Variants in CHN2 observed in about 807,000 individuals in gnomAD.
CHN2 encodes the protein beta-chimaerin.
In CHN2, 35 loss-of-function variants were observed where a neutral mutation model predicts 56.3. The ratio of observed to expected loss-of-function variants is 0.62; its 90% CI spans 0.47 to 0.82. CHN2 has a LOEUF of 0.82. CHN2 is among the 40% of genes least tolerant of loss of function. CHN2 has a pLI of 0.00. For missense variants in CHN2, 491 were observed against 580.5 expected, an observed-to-expected ratio of 0.85 and a Z score of 1.58; for synonymous variants, 210 against 212.8, an observed-to-expected ratio of 0.99 and a Z score of 0.12.
chr7:29,504,871 G>A (rs780146455), intron 10 of CHN2, 50 bp downstream of exon 10: 42 of 1,295,992 alleles, frequency 3.2e-5, no homozygotes, highest in Admixed American at 2.0e-4. Context: ...CACCCTTCTC[G>A]ATTGGAAGTA....
chr7:29,361,076 T>C (rs1232085057), intron 2 of CHN2, among the ~76,000 whole-genome samples: 1 of 152,204 alleles, frequency 6.6e-6, no homozygotes, highest in African/African-American at 2.4e-5. Flanking sequence ...TCCTGGCACA[T>C]ATTTGGGACA....
intron 6 of CHN2, among the ~76,000 whole-genome samples, chr7:29,461,164 A>G (rs1429184385): frequency 6.6e-6 from 1 of 152,216 alleles, no homozygotes; most frequent in Non-Finnish European, 1.5e-5. Context: ...TTTCTCAAGG[A>G]CATGCCCTTA....
At chr7:29,362,596 G>T (rs1464589950) in intron 2 of CHN2, among the ~76,000 whole-genome samples, 1 of 152,048 alleles carries the variant, frequency 6.6e-6, no homozygotes, top group Admixed American at 6.6e-5. Context: ...CACATCCCAC[G>T]CCCTGGCTCA....
At chr7:29,416,115 C>A (rs865965765) in intron 6 of CHN2, among the ~76,000 whole-genome samples, 12 of 152,134 alleles carry the variant, frequency 7.9e-5, no homozygotes, top group African/African-American at 2.9e-4. Flanking sequence ...TCTGCAAAGC[C>A]CTCTGCCATT....
At chr7:29,497,207 T>A (rs1789397633) in intron 8 of CHN2, among the ~76,000 whole-genome samples, 2 of 152,192 alleles carry the variant, frequency 1.3e-5, no homozygotes, top group Admixed American at 1.3e-4. Flanking sequence ...GAAACTCTGT[T>A]TAACACTAAA....
intron 7 of CHN2, among the ~76,000 whole-genome samples, chr7:29,484,343 G>A (rs1364804992): frequency 6.6e-6 from 1 of 152,152 alleles, no homozygotes; most frequent in Non-Finnish European, 1.5e-5. Context: ...CCACAAACTT[G>A]GTGGCTTAAA....
At chr7:29,509,856 A>AAG (rs2128597492) in intron 12 of CHN2, among the ~76,000 whole-genome samples, 1 of 151,880 alleles carries the variant, frequency 6.6e-6, no homozygotes, top group South Asian at 2.1e-4. Context: ...AAAAAAAAAA[A>AAG]AAAAGAAAAA....
intron 1 of CHN2, among the ~76,000 whole-genome samples, chr7:29,271,146 G>A (rs574553327): frequency 6.6e-6 from 1 of 152,250 alleles, no homozygotes; most frequent in East Asian, 1.9e-4. Flanking sequence ...AAGGGGTGGA[G>A]TTGTGTCACC....
At chr7:29,437,034 A>C (rs1230669656) in intron 6 of CHN2, among the ~76,000 whole-genome samples, 1 of 152,084 alleles carries the variant, frequency 6.6e-6, no homozygotes, top group African/African-American at 2.4e-5. Context: ...ACAGATAAGC[A>C]ACAAAGATAA....
chr7:29,458,412 CA>C (rs1307229934), intron 6 of CHN2, among the ~76,000 whole-genome samples: 12 of 138,652 alleles, frequency 8.7e-5, no homozygotes, highest in Non-Finnish European at 1.8e-4. Context: ...CACACACACA[CA>C]CACACCCCAT....
intron 2 of CHN2, among the ~76,000 whole-genome samples, chr7:29,149,772 C>G (rs1484375191): frequency 1.3e-5 from 2 of 152,074 alleles, no homozygotes; most frequent in African/African-American, 4.8e-5. Flanking sequence ...CAGCATCAAC[C>G]CAATCTCTGC....
At chr7:29,288,981 A>AG (rs1408082072) in intron 1 of CHN2, 3 of 152,254 alleles carry the variant, frequency 2.0e-5, no homozygotes, top group Non-Finnish European at 4.4e-5. Flanking sequence ...AAGGAAACTT[A>AG]GGATGCCCAG....
rs149211190 is a variant in CHN2 at position 29,195,934 on chromosome 7, A to G, written c.49+944A>G. On this transcript the variant is annotated intron_variant, in intron 1 of 12. Coordinates refer to ENST00000222792, the MANE Select transcript of CHN2 (RefSeq NM_004067.4). ...AATTCCTGTACCTCTCTGGTCATTG[A>G]AAACTTTAATGACAAACCCAAAGGG... Among the ~76,000 whole-genome samples the G allele has an allele frequency of 2.6e-5, 4 of 152,284 alleles. No homozygotes were observed. In the South Asian group the frequency reaches 6.2e-4, roughly 24 times the overall value.
At chr7:29,386,969 C>T (rs1413506388) in intron 3 of CHN2, among the ~76,000 whole-genome samples, 2 of 152,186 alleles carry the variant, frequency 1.3e-5, no homozygotes, top group Non-Finnish European at 2.9e-5. Context: ...AAGGCATTAG[C>T]GCTGATTAGT....
intron 2 of CHN2, among the ~76,000 whole-genome samples, chr7:29,169,310 A>T (rs1796306155): frequency 6.6e-6 from 1 of 152,136 alleles, no homozygotes; most frequent in African/African-American, 2.4e-5. Context: ...AAAATATATC[A>T]TCCTATTGAG....
chr7:29,380,106 ATTAG>A (rs1800374755), intron 3 of CHN2, among the ~76,000 whole-genome samples: 1 of 152,226 alleles, frequency 6.6e-6, no homozygotes, highest in Non-Finnish European at 1.5e-5. Flanking sequence ...CTGTGGGCAA[ATTAG>A]TTAATCACTC....
At chr7:29,426,671 A>T (rs932806089) in intron 6 of CHN2, among the ~76,000 whole-genome samples, 1 of 152,232 alleles carries the variant, frequency 6.6e-6, no homozygotes, top group Non-Finnish European at 1.5e-5. Flanking sequence ...TCAGTTCTGT[A>T]GGTCAGAAGT....
intron 1 of CHN2, among the ~76,000 whole-genome samples, chr7:29,304,079 G>A (rs931745045): frequency 6.6e-5 from 10 of 150,528 alleles, no homozygotes; most frequent in Non-Finnish European, 1.3e-4. Context: ...AAAAAAAGTA[G>A]CAAAAGCAGT....
chr7:29,508,805 A>G (rs954548112), intron 11 of CHN2, among the ~76,000 whole-genome samples: 2 of 152,218 alleles, frequency 1.3e-5, no homozygotes, highest in African/African-American at 4.8e-5. Flanking sequence ...GAGAAGTGCC[A>G]TGAGTGCAGG....
Sources: allele counts gnomAD v4.1 joint callset (sites outside exome capture counted in the v4.1 genomes callset), GRCh38; gene constraint gnomAD v4.1.1; transcripts MANE v1.5; gene names NCBI Gene and HGNC (gene_info 2026-07-23, HGNC 2026-07-21).